GALNTL6: variants seen among roughly 807,000 people sequenced by gnomAD.
GALNTL6 encodes the protein polypeptide N-acetylgalactosaminyltransferase-like 6.
Under a neutral mutation model 73.7 loss-of-function variants are expected in GALNTL6, and 46 were observed. That is an observed-to-expected ratio of 0.62 (90% confidence interval 0.49 to 0.80). GALNTL6 has a LOEUF of 0.80. Among genes scored for constraint, GALNTL6 ranks in the 30% least tolerant of loss-of-function variants. The pLI, the probability that GALNTL6 is intolerant of heterozygous loss-of-function variation, is 0.00. For synonymous variants in GALNTL6, 259 were observed against 263.7 expected, an observed-to-expected ratio of 0.98 and a Z score of 0.17; for missense variants, 604 against 755.0, an observed-to-expected ratio of 0.80 and a Z score of 2.34.
intron 2 of GALNTL6, among the ~76,000 whole-genome samples, chr4:171,884,760 G>C (rs115264516): frequency 0.01 from 1,585 of 152,070 alleles, 32 homozygotes; most frequent in African/African-American, 0.036. Context: ...ATCTGTGCAA[G>C]AATGTGTTGT....
At chr4:172,993,382 T>C (rs1162613027) in intron 10 of GALNTL6, among the ~76,000 whole-genome samples, 1 of 152,214 alleles carries the variant, frequency 6.6e-6, no homozygotes, top group African/African-American at 2.4e-5. Context: ...ACTGAGAATC[T>C]CTCTTGTTTA....
At chr4:172,406,343 T>C (rs993872485) in intron 5 of GALNTL6, among the ~76,000 whole-genome samples, 1 of 151,782 alleles carries the variant, frequency 6.6e-6, no homozygotes, top group Non-Finnish European at 1.5e-5. Context: ...ATTTTAGAAA[T>C]TAAAAATTAA....
At chr4:172,770,439 G>C (rs10034993) in intron 5 of GALNTL6, among the ~76,000 whole-genome samples, 72,853 of 151,832 alleles carry the variant, frequency 0.48, 18,306 homozygotes, top group African/African-American at 0.63. Flanking sequence ...AAAAGTCTAA[G>C]TGTACTTAAA....
chr4:172,061,315 G>A (rs189709712), intron 2 of GALNTL6, among the ~76,000 whole-genome samples: 1 of 151,662 alleles, frequency 6.6e-6, no homozygotes, highest in African/African-American at 2.4e-5. Context: ...TCCTTCTCTG[G>A]CAAGGGAGAA....
At chr4:172,156,547 A>ATATATATATATATATATATAG in intron 2 of GALNTL6, among the ~76,000 whole-genome samples, 1 of 113,768 alleles carries the variant, frequency 8.8e-6, no homozygotes, top group African/African-American at 3.9e-5. Flanking sequence ...TATAATATAT[A>ATATATATATATATATATATAG]TATATATATA....
chr4:172,812,950 T>C (rs899866846), intron 6 of GALNTL6, among the ~76,000 whole-genome samples: 2 of 152,176 alleles, frequency 1.3e-5, no homozygotes, highest in Non-Finnish European at 2.9e-5. Flanking sequence ...AGAAAATGTA[T>C]AGCTTTGATC....
chr4:172,336,183 CTTAAT>C (rs1741309778), intron 4 of GALNTL6, among the ~76,000 whole-genome samples: 1 of 148,222 alleles, frequency 6.7e-6, no homozygotes, highest in Non-Finnish European at 1.5e-5. Flanking sequence ...TTATTTATAT[CTTAAT>C]TTATTTGTTT....
intron 2 of GALNTL6, among the ~76,000 whole-genome samples, chr4:171,829,003 C>T (rs1267336327): frequency 6.6e-6 from 1 of 152,124 alleles, no homozygotes; most frequent in Admixed American, 6.6e-5. Flanking sequence ...ATATAATGCA[C>T]ATAACATGCA....
intron 2 of GALNTL6, among the ~76,000 whole-genome samples, chr4:172,216,924 G>A (rs1325585412): frequency 6.6e-6 from 1 of 152,122 alleles, no homozygotes; most frequent in Non-Finnish European, 1.5e-5. Context: ...AATGGGAAGT[G>A]GGGGAGGGGG....
At chr4:172,175,538 T>C (rs1734962122) in intron 2 of GALNTL6, among the ~76,000 whole-genome samples, 1 of 152,212 alleles carries the variant, frequency 6.6e-6, no homozygotes, top group Non-Finnish European at 1.5e-5. Flanking sequence ...ATGAATTTTA[T>C]GTCCAGATTA....
At chr4:172,796,272 CAT>C (rs954782690) in intron 5 of GALNTL6, among the ~76,000 whole-genome samples, 1 of 152,120 alleles carries the variant, frequency 6.6e-6, no homozygotes, top group African/African-American at 2.4e-5. Flanking sequence ...TCTCCTGACA[CAT>C]AGTCACTGGC....
rs190915816 is a variant in GALNTL6 at position 172,871,715 on chromosome 4, T to C, written c.924-11075T>C. 2.8e-3 allele frequency among the ~76,000 whole-genome samples: 422 copies of C among 152,058 alleles called. 3 individuals carry two copies. The highest frequency in any genetic ancestry group is 3.6e-3 in the Non-Finnish European group (248 of 68,002). ...CTTCAAGGCAAATGGTACAATTCTT[T>C]CTCAATGATCAGTTTGGAGATACTG... On this transcript the variant is annotated intron_variant, in intron 7 of 12. Transcript: ENST00000506823.
intron 2 of GALNTL6, among the ~76,000 whole-genome samples, chr4:171,991,046 G>A (rs1740316795): frequency 2.0e-5 from 3 of 152,070 alleles, no homozygotes; most frequent in Admixed American, 6.6e-5. Flanking sequence ...CTACACTCAT[G>A]GAACTGAGAG....
chr4:171,842,606 C>T (rs1260240854), intron 2 of GALNTL6, among the ~76,000 whole-genome samples: 3 of 151,828 alleles, frequency 2.0e-5, no homozygotes, highest in Non-Finnish European at 2.9e-5. Context: ...AATAGAGAAT[C>T]GACATGTCAT....
intron 5 of GALNTL6, among the ~76,000 whole-genome samples, chr4:172,769,295 T>A (rs953305804): frequency 5.3e-5 from 8 of 152,114 alleles, no homozygotes; most frequent in African/African-American, 1.2e-4. Flanking sequence ...TTTAAAGATA[T>A]TTTAGGAAAA....
chr4:171,837,753 T>C (rs1449303677), intron 2 of GALNTL6, among the ~76,000 whole-genome samples: 1 of 149,062 alleles, frequency 6.7e-6, no homozygotes, highest in Non-Finnish European at 1.5e-5. Context: ...AAGTTTAAGA[T>C]TGTTTTAAAA....
At chr4:172,582,242 T>C (rs1737218843) in intron 5 of GALNTL6, among the ~76,000 whole-genome samples, 1 of 152,222 alleles carries the variant, frequency 6.6e-6, no homozygotes, top group African/African-American at 2.4e-5. Flanking sequence ...GAAGCCTGAA[T>C]ACTGGCTTTC....
chr4:172,271,667 G>C (rs942438675), intron 3 of GALNTL6, among the ~76,000 whole-genome samples: 3 of 151,770 alleles, frequency 2.0e-5, no homozygotes, highest in African/African-American at 7.3e-5. Context: ...AAGTATGTAT[G>C]CATTAAATAT....
At chr4:172,543,906 C>G (rs1034589460) in intron 5 of GALNTL6, among the ~76,000 whole-genome samples, 3 of 152,114 alleles carry the variant, frequency 2.0e-5, no homozygotes, top group Non-Finnish European at 4.4e-5. Flanking sequence ...TATCAAAGGG[C>G]TAGTTTGTAT....
Sources: allele counts gnomAD v4.1 joint callset (sites outside exome capture counted in the v4.1 genomes callset), GRCh38; gene constraint gnomAD v4.1.1; transcripts MANE v1.5; gene names NCBI Gene and HGNC (gene_info 2026-07-23, HGNC 2026-07-21).